The following CISD2 variants were observed in gnomAD, a reference collection of about 807,000 sequenced individuals.
The protein encoded by CISD2 is CDGSH iron-sulfur domain-containing protein 2.
A neutral mutation model predicts 12.9 loss-of-function variants in CISD2; 1 was observed. The observed-to-expected ratio is 0.08, with a 90% CI of 0.03 to 0.37. CISD2 has a LOEUF of 0.37. Ranked by LOEUF, CISD2 falls within the 10% of genes least tolerant of loss-of-function variation. The probability of loss-of-function intolerance (pLI) is 0.99; values close to 1 mark genes in which losing one functional copy is unlikely to be tolerated. For missense variants in CISD2, 97 were observed against 163.1 expected (o/e 0.59, Z 2.21); for synonymous variants, 50 against 60.6 (o/e 0.83, Z 0.81).
At chr4:102,879,632 C>T (rs950404461) in intron 1 of CISD2, among the ~76,000 whole-genome samples, 2 of 151,950 alleles carry the variant, frequency 1.3e-5, no homozygotes, top group Non-Finnish European at 2.9e-5. Flanking sequence ...ATTAGCAGGG[C>T]GTTTTGGCAG....
At chr4:102,886,700 C>G (rs1016594925) in intron 2 of CISD2, among the ~76,000 whole-genome samples, 11 of 152,038 alleles carry the variant, frequency 7.2e-5, no homozygotes, top group African/African-American at 2.7e-4. Context: ...ACTGCAACCT[C>G]CACCTCCTGG....
intron 1 of CISD2, among the ~76,000 whole-genome samples, chr4:102,880,937 G>A (rs1224106324): frequency 1.3e-5 from 2 of 151,088 alleles, no homozygotes; most frequent in African/African-American, 2.4e-5. Context: ...GGAGATTGCA[G>A]TGAGCTAACA....
intron 1 of CISD2, among the ~76,000 whole-genome samples, chr4:102,877,403 G>C (rs1281484612): frequency 6.6e-6 from 1 of 152,208 alleles, no homozygotes; most frequent in Non-Finnish European, 1.5e-5. Flanking sequence ...AAATCATAAA[G>C]CTCCAAAATG....
intron 1 of CISD2, among the ~76,000 whole-genome samples, chr4:102,882,502 C>G (rs1733747397): frequency 6.6e-6 from 1 of 152,132 alleles, no homozygotes; most frequent in Admixed American, 6.5e-5. Context: ...GAAGTTGAAG[C>G]TGGAAAGGTA....
rs1393999137 is a variant in CISD2 at position 102,885,106 on chromosome 4, AG to A, written c.104-108del. ...TCACAGTTTTATGGATCCATTAAAA[AG>A]GAATTAATGTAAAAAGTAACAAAGA... is the stretch of plus-strand genomic sequence containing the variant. On this transcript the variant is annotated intron_variant, in intron 1 of 2. Coordinates refer to ENST00000273986, the MANE Select transcript of CISD2 (RefSeq NM_001008388.5). The A allele has an allele frequency of 1.1e-4, 98 of 872,924 alleles. 1 individual carries two copies. The Middle Eastern group carries it at 6.1e-3, about 54-fold the overall frequency. 54.1% of individuals were successfully genotyped at this position (872,924 alleles called of 1,614,324 possible). A position where few individuals can be genotyped will look rare whatever the true frequency, so the allele number is the denominator to read the frequency against.
At chr4:102,874,889 CT>C (rs1466053826) in intron 1 of CISD2, among the ~76,000 whole-genome samples, 15 of 152,190 alleles carry the variant, frequency 9.9e-5, no homozygotes, top group African/African-American at 3.6e-4. Context: ...GCCTTGTCTT[CT>C]TCCACTAGCC....
intron 2 of CISD2, among the ~76,000 whole-genome samples, chr4:102,886,940 T>C (rs1406779918): frequency 6.6e-6 from 1 of 152,220 alleles, no homozygotes; most frequent in African/African-American, 2.4e-5. Context: ...TTTCAAAAAT[T>C]GTGTGGTATG....
intron 1 of CISD2, among the ~76,000 whole-genome samples, chr4:102,876,955 G>A (rs776202224): frequency 2.0e-5 from 3 of 152,112 alleles, no homozygotes; most frequent in Non-Finnish European, 2.9e-5. Context: ...GATCTCATGC[G>A]AACAGCATGG....
chr4:102,879,564 G>A (rs1733668213), intron 1 of CISD2, among the ~76,000 whole-genome samples: 1 of 152,086 alleles, frequency 6.6e-6, no homozygotes. Flanking sequence ...AGGCAGATGG[G>A]AGTTTGAGAC....
Position 102,885,424 on chromosome 4 carries a change from T to C in CISD2, c.312T>C (p.Ser104=). 1 of 1,613,476 alleles carries C rather than the reference T, an allele frequency of 6.2e-7. No individual in the cohort carries two copies. The change falls in exon 2 of 3, where the codon TCT becomes TCC. Residue 104 remains serine (S), a synonymous_variant. Transcript: ENST00000273986. The stretch of plus-strand genomic sequence containing the variant: ...CAGCTTATTGTAGGTGTTGGCGTTC[T>C]AAAACGGTAAGATGTCTGTTTACGT... ...TKAAYCRCWR[S]KTFPACDGSH...
At chr4:102,872,833 T>C (rs1421410341) in intron 1 of CISD2, among the ~76,000 whole-genome samples, 2 of 152,160 alleles carry the variant, frequency 1.3e-5, no homozygotes, top group Non-Finnish European at 2.9e-5. Context: ...TTTCAGAAAA[T>C]TTATGCTAAA....
At chr4:102,870,780 TATA>T (rs1733422085) in intron 1 of CISD2, among the ~76,000 whole-genome samples, 2 of 152,348 alleles carry the variant, frequency 1.3e-5, no homozygotes, top group African/African-American at 4.8e-5. Flanking sequence ...CATATTTTAA[TATA>T]ATCCTCATTT....
At chr4:102,885,063 C>T (rs545863501) in intron 1 of CISD2, 153 bp from the exon 2 acceptor site, 2 of 677,088 alleles carry the variant, frequency 3.0e-6, no homozygotes, top group South Asian at 1.6e-5. Context: ...GTAGAGCTGG[C>T]TTTATTGTGT....
rs1051294980 is a variant in CISD2 at position 102,888,824 on chromosome 4, C to T, written c.*1394C>T. On this transcript the variant is annotated 3_prime_UTR_variant, in exon 3 of 3. Transcript: ENST00000273986. ...GTTGTAAAAGAGTTACCATTTAACT[C>T]CCTTCACTGAGTGCGTTTCTGAGAC... 5 of 152,220 alleles carry T rather than the reference C, an allele frequency of 3.3e-5. No individual in the cohort carries two copies. The highest frequency in any genetic ancestry group is 1.2e-4 in the African/African-American group (5 of 41,440). 9.4% of individuals were successfully genotyped at this position (152,220 alleles called of 1,614,324 possible). A position where few individuals can be genotyped will look rare whatever the true frequency, so the allele number is the denominator to read the frequency against.
At chr4:102,873,007 CCTT>C (rs770281798) in intron 1 of CISD2, among the ~76,000 whole-genome samples, 2 of 152,136 alleles carry the variant, frequency 1.3e-5, no homozygotes, top group Non-Finnish European at 2.9e-5. Flanking sequence ...AAACAAGGCA[CCTT>C]CTTCACATCA....
At chr4:102,869,291 T>G in intron 1 of CISD2, 104 bp downstream of exon 1, 23 of 1,411,278 alleles carry the variant, frequency 1.6e-5, no homozygotes, top group Non-Finnish European at 2.1e-5. Context: ...GCTCGGCGCC[T>G]GGCACGTGAT....
At chr4:102,884,858 T>C in intron 1 of CISD2, among the ~76,000 whole-genome samples, 1 of 152,038 alleles carries the variant, frequency 6.6e-6, no homozygotes, top group East Asian at 1.9e-4. Flanking sequence ...GATAAAATGT[T>C]TTCTTAACTT....
intron 1 of CISD2, among the ~76,000 whole-genome samples, chr4:102,878,796 A>G (rs1039663678): frequency 6.6e-6 from 1 of 152,206 alleles, no homozygotes; most frequent in Non-Finnish European, 1.5e-5. Flanking sequence ...CCCAGTTCCA[A>G]AATTGCTTCC....
rs780294206 is a variant in CISD2, at chr4:102,885,447, C to T, written c.318+17C>T. The T allele has an allele frequency of 1.4e-5, 22 of 1,601,028 alleles. No individual in the cohort carries two copies. In the Middle Eastern group the frequency reaches 5.0e-4, roughly 36 times the overall value. On this transcript the variant is annotated intron_variant, in intron 2 of 2. Transcript: ENST00000273986. The stretch of plus-strand genomic sequence containing the variant: ...TCTAAAACGGTAAGATGTCTGTTTA[C>T]GTGTACACTAAAATTTTGCAGTGCT...
Sources: allele counts gnomAD v4.1 joint callset (sites outside exome capture counted in the v4.1 genomes callset), GRCh38; gene constraint gnomAD v4.1.1; transcripts MANE v1.5; gene names NCBI Gene and HGNC (gene_info 2026-07-23, HGNC 2026-07-21).